ORC4: variants seen among roughly 807,000 people sequenced by gnomAD.
ORC4 encodes origin recognition complex subunit 4.
Under a neutral mutation model 63.9 loss-of-function variants are expected in ORC4, and 55 were observed. The observed-to-expected ratio is 0.86, with a 90% CI of 0.69 to 1.08. The LOEUF (loss-of-function observed/expected upper bound fraction) is 1.08, where lower values mean the gene tolerates loss of function less well. Ranked by LOEUF, ORC4 falls within the 50% of genes least tolerant of loss-of-function variation. The pLI is 0.00. For missense variants in ORC4, 511 were observed against 504.4 expected, an observed-to-expected ratio of 1.01 and a Z score of -0.13; for synonymous variants, 150 against 168.5, an observed-to-expected ratio of 0.89 and a Z score of 0.85.
At chr2:147,960,760 A>C (rs1689543826) in intron 4 of ORC4, among the ~76,000 whole-genome samples, 1 of 152,200 alleles carries the variant, frequency 6.6e-6, no homozygotes, top group South Asian at 2.1e-4. Context: ...ACAGTGGGTC[A>C]CACCTGTAAT....
chr2:147,971,138 G>A (rs138737964), intron 4 of ORC4, among the ~76,000 whole-genome samples: 1 of 149,488 alleles, frequency 6.7e-6, no homozygotes, highest in African/African-American at 2.5e-5. Flanking sequence ...CCCTATTCTT[G>A]TAAGTAAGTA....
chr2:147,972,759 G>C lies in ORC4; in HGVS notation c.205C>G (p.Arg69Gly). The C allele has an allele frequency of 6.2e-7, 1 of 1,607,760 alleles. No individual in the cohort carries two copies. Among genetic ancestry groups the C allele is most frequent in the Non-Finnish European group, 8.5e-7 (1 of 1,175,872 alleles). ...TTTACCATAGTTTTTCCTGATCCTC[G>C]GGGTCCGATAATAAGGACAGAGTTA... ...ESNSVLIIGP[R>G]GSGKTMLINH... The change falls in exon 4 of 14, where the codon CGA becomes GGA. Residue 69 changes from arginine (R) to glycine (G), a missense_variant. By Grantham distance (125) the Arg-to-Gly change is moderately radical (BLOSUM62 -2). Transcript: ENST00000392857.
intron 1 of ORC4, among the ~76,000 whole-genome samples, chr2:147,992,992 T>C (rs776689794): frequency 6.6e-6 from 1 of 152,186 alleles, no homozygotes; most frequent in Non-Finnish European, 1.5e-5. Context: ...AGGATCCCCA[T>C]TCCAGAAAGG....
Position 147,943,455 on chromosome 2 carries a change from C to G in ORC4, c.830G>C (p.Arg277Pro), listed in dbSNP as rs548305563. ...ACAAACCAATAGCATGTGTAATGACCGCAGGTTTTTGCTGATATTGAAATG... is the reference window on the plus strand; with the variant it reads ...ACAAACCAATAGCATGTGTAATGACGGCAGGTTTTTGCTGATATTGAAATG... ...QKHFNISKNL[R>P]SLHMLLMLAL... The change falls in exon 10 of 14, where the codon CGG (arginine) becomes CCG (proline). Residue 277 changes from arginine (R) to proline (P), a missense_variant. Transcript: ENST00000392857. 1.9e-6 allele frequency: 3 copies of G among 1,600,502 alleles called. No individual in the cohort carries two copies. The South Asian group carries it at 3.3e-5, about 18-fold the overall frequency.
rs928046095 is a variant in ORC4 at position 147,932,632 on chromosome 2, A to G, written c.*2878T>C. On this transcript the variant is annotated 3_prime_UTR_variant, in exon 14 of 14. Transcript: ENST00000392857. The stretch of plus-strand genomic sequence containing the variant: ...TTTGTTAATTATGGCATTTCCCTCT[A>G]TTATCGTCTAAACAGATTATATTCC... 2.0e-5 allele frequency: 3 copies of G among 152,078 alleles called. No individual in the cohort carries two copies. The highest frequency in any genetic ancestry group is 4.4e-5 in the Non-Finnish European group (3 of 67,994). The allele number at this position is 152,078 out of a possible 1,614,324, so 9.4% of individuals were successfully genotyped here. A position where few individuals can be genotyped will look rare whatever the true frequency, so the allele number is the denominator to read the frequency against.
chr2:147,951,385 A>C (rs1198261014), intron 8 of ORC4: 1 of 152,292 alleles, frequency 6.6e-6, no homozygotes, highest in Non-Finnish European at 1.5e-5. Flanking sequence ...TTTAATTGCC[A>C]GTGCAACAGT....
intron 1 of ORC4, among the ~76,000 whole-genome samples, chr2:148,008,342 G>A (rs1248781367): frequency 1.3e-4 from 20 of 152,120 alleles, no homozygotes; most frequent in Admixed American, 1.3e-3. Flanking sequence ...CTTATCTAGA[G>A]AACCTTCTTC....
At chr2:148,013,634 T>C (rs2105471316) in intron 1 of ORC4, among the ~76,000 whole-genome samples, 1 of 152,310 alleles carries the variant, frequency 6.6e-6, no homozygotes, top group Non-Finnish European at 1.5e-5. Flanking sequence ...ATATCCCAAT[T>C]ACCTGATTTG....
chr2:148,007,673 A>C (rs1003195598), intron 1 of ORC4, among the ~76,000 whole-genome samples: 1 of 152,244 alleles, frequency 6.6e-6, no homozygotes, highest in Non-Finnish European at 1.5e-5. Flanking sequence ...ATAATAGCAG[A>C]GTACTTTTCA....
intron 1 of ORC4, among the ~76,000 whole-genome samples, chr2:148,000,596 A>G (rs1692239913): frequency 6.6e-6 from 1 of 152,166 alleles, no homozygotes; most frequent in Non-Finnish European, 1.5e-5. Context: ...AGGATTACAT[A>G]GGATATAGGA....
chr2:147,996,482 T>G (rs1245253863), intron 1 of ORC4, among the ~76,000 whole-genome samples: 1 of 152,166 alleles, frequency 6.6e-6, no homozygotes, highest in African/African-American at 2.4e-5. Context: ...CAAATGGCAC[T>G]ACTAAGAAAA....
intron 1 of ORC4, among the ~76,000 whole-genome samples, chr2:148,016,261 G>A (rs1693277512): frequency 6.6e-6 from 1 of 152,152 alleles, no homozygotes; most frequent in African/African-American, 2.4e-5. Context: ...GGACCGCGAA[G>A]AAGCTCCAAA....
Position 147,989,577 on chromosome 2 carries a change from G to A in ORC4, c.-17-13602C>T, listed in dbSNP as rs200979238. Among the ~76,000 whole-genome samples the A allele has an allele frequency of 3.3e-5, 5 of 151,904 alleles. No individual in the cohort carries two copies. In the South Asian group the frequency reaches 6.2e-4, roughly 19 times the overall value. On this transcript the variant is annotated intron_variant, in intron 1 of 13. Coordinates refer to ENST00000392857, the MANE Select transcript of ORC4 (RefSeq NM_181741.4). ...AAAAATTAGCCAGGTGTGGTGGCAC[G>A]TGCCTGTAATCCCAGCTACTCAGGA...
intron 10 of ORC4, among the ~76,000 whole-genome samples, chr2:147,941,991 A>C (rs2105267541): frequency 6.6e-6 from 1 of 152,286 alleles, no homozygotes. Flanking sequence ...GTAGGACACA[A>C]ACTTGAAGCC....
chr2:147,942,371 T>G (rs1688412104), intron 10 of ORC4, among the ~76,000 whole-genome samples: 1 of 152,154 alleles, frequency 6.6e-6, no homozygotes, highest in Non-Finnish European at 1.5e-5. Flanking sequence ...ATATTGGTAT[T>G]ATGTAAGCTT....
intron 1 of ORC4, among the ~76,000 whole-genome samples, chr2:147,986,479 A>G (rs1417191895): frequency 2.0e-5 from 3 of 151,930 alleles, no homozygotes; most frequent in Non-Finnish European, 4.4e-5. Flanking sequence ...TTTCAAGCCT[A>G]AAAAAAAGAA....
chr2:147,953,903 AAG>A (rs1174400441), intron 7 of ORC4, among the ~76,000 whole-genome samples: 1 of 152,176 alleles, frequency 6.6e-6, no homozygotes, highest in Non-Finnish European at 1.5e-5. Context: ...GATTACTCAA[AAG>A]TCTAGAAAGA....
At chr2:148,017,223 A>C (rs925454495) in intron 1 of ORC4, among the ~76,000 whole-genome samples, 1 of 152,246 alleles carries the variant, frequency 6.6e-6, no homozygotes, top group African/African-American at 2.4e-5. Context: ...AACAAGGTGA[A>C]ATCAATTATA....
chr2:147,949,067 AAT>A (rs1362912721), intron 8 of ORC4, among the ~76,000 whole-genome samples: 2 of 148,136 alleles, frequency 1.4e-5, no homozygotes, highest in South Asian at 4.2e-4. Context: ...AGTATAGTAT[AAT>A]ATATATTTAT....
Sources: allele counts gnomAD v4.1 joint callset (sites outside exome capture counted in the v4.1 genomes callset), GRCh38; gene constraint gnomAD v4.1.1; transcripts MANE v1.5; gene names NCBI Gene and HGNC (gene_info 2026-07-23, HGNC 2026-07-21).